Variants in SLC35F1 observed in about 807,000 individuals in gnomAD.
SLC35F1 encodes the protein chromosome 6 open reading frame 169.
In SLC35F1, 14 loss-of-function variants were observed where a neutral mutation model predicts 48.7. The observed-to-expected ratio is 0.29, with a 90% confidence interval of 0.19 to 0.45. The LOEUF (loss-of-function observed/expected upper bound fraction) is 0.45, where lower values mean the gene tolerates loss of function less well. SLC35F1 is among the 20% of genes least tolerant of loss of function. The probability of loss-of-function intolerance (pLI) is 1.00; values close to 1 mark genes in which losing one functional copy is unlikely to be tolerated. For synonymous variants in SLC35F1, 190 were observed against 202.2 expected (o/e 0.94, Z 0.51); for missense variants, 404 against 500.0 (o/e 0.81, Z 1.83).
chr6:118,079,564 C>A (rs1477899622), intron 1 of SLC35F1, among the ~76,000 whole-genome samples: 1 of 152,096 alleles, frequency 6.6e-6, no homozygotes, highest in African/African-American at 2.4e-5. Flanking sequence ...TATCTATCAA[C>A]TTTTTACACC....
intron 2 of SLC35F1, among the ~76,000 whole-genome samples, chr6:118,157,787 C>T (rs556394484): frequency 1.0e-3 from 153 of 152,252 alleles, no homozygotes; most frequent in Non-Finnish European, 1.7e-3. Context: ...TTAGATGGTG[C>T]CCACCCAGAT....
chr6:118,157,009 T>G (rs1259253260), intron 2 of SLC35F1, among the ~76,000 whole-genome samples: 1 of 152,192 alleles, frequency 6.6e-6, no homozygotes, highest in African/African-American at 2.4e-5. Context: ...ATAATTACAG[T>G]ACCATCTATT....
chr6:118,202,311 A>G (rs915928152), intron 2 of SLC35F1, among the ~76,000 whole-genome samples: 3 of 152,068 alleles, frequency 2.0e-5, no homozygotes, highest in Non-Finnish European at 4.4e-5. Context: ...TCTGGGCAAC[A>G]TAGAGAGCTT....
chr6:118,296,902 A>C (rs1776193437), intron 7 of SLC35F1, among the ~76,000 whole-genome samples: 2 of 152,200 alleles, frequency 1.3e-5, no homozygotes, highest in Admixed American at 1.3e-4. Context: ...TAATTTTGTC[A>C]GCAGACCTGT....
intron 2 of SLC35F1, among the ~76,000 whole-genome samples, chr6:118,178,491 C>A (rs1174492217): frequency 6.6e-6 from 1 of 152,044 alleles, no homozygotes; most frequent in African/African-American, 2.4e-5. Flanking sequence ...TTTTATCTTT[C>A]TAATGATGCT....
chr6:118,027,170 T>C (rs1582626456), intron 1 of SLC35F1, among the ~76,000 whole-genome samples: 1 of 152,174 alleles, frequency 6.6e-6, no homozygotes, highest in East Asian at 1.9e-4. Context: ...TATTCCATTT[T>C]ATTTGCTTAT....
At chr6:117,912,610 G>A (rs529119682) in intron 1 of SLC35F1, among the ~76,000 whole-genome samples, 2 of 152,306 alleles carry the variant, frequency 1.3e-5, no homozygotes, top group African/African-American at 4.8e-5. Flanking sequence ...TAGTAATGAG[G>A]TTGATTAATA....
At chr6:118,277,049 C>T (rs1027860391) in intron 5 of SLC35F1, among the ~76,000 whole-genome samples, 1 of 152,136 alleles carries the variant, frequency 6.6e-6, no homozygotes, top group African/African-American at 2.4e-5. Flanking sequence ...AGGGTTGGGA[C>T]CAGGAAACAG....
At chr6:118,033,701 A>G (rs1378674433) in intron 1 of SLC35F1, among the ~76,000 whole-genome samples, 1 of 151,818 alleles carries the variant, frequency 6.6e-6, no homozygotes, top group African/African-American at 2.4e-5. Flanking sequence ...GAAGCATGGC[A>G]CTTGGTATGG....
At chr6:118,138,790 C>A (rs1357074604) in intron 1 of SLC35F1, among the ~76,000 whole-genome samples, 1 of 152,018 alleles carries the variant, frequency 6.6e-6, no homozygotes, top group Non-Finnish European at 1.5e-5. Flanking sequence ...CATAAACAAC[C>A]TGGTCTTCAG....
At chr6:118,105,871 T>G (rs904594718) in intron 1 of SLC35F1, among the ~76,000 whole-genome samples, 3 of 152,172 alleles carry the variant, frequency 2.0e-5, no homozygotes, top group African/African-American at 7.2e-5. Context: ...TACATCAAAG[T>G]AGATAGTATG....
At chr6:117,990,565 G>T (rs1582603728) in intron 1 of SLC35F1, among the ~76,000 whole-genome samples, 2 of 152,274 alleles carry the variant, frequency 1.3e-5, no homozygotes. Flanking sequence ...CTCCTTGCTT[G>T]CATTTGCATT....
chr6:118,009,342 T>C (rs1777216051), intron 1 of SLC35F1, among the ~76,000 whole-genome samples: 1 of 152,180 alleles, frequency 6.6e-6, no homozygotes, highest in South Asian at 2.1e-4. Context: ...TAAATGGCAG[T>C]TCACTGTGGA....
chr6:118,167,373 T>C (rs1262499122), intron 2 of SLC35F1, among the ~76,000 whole-genome samples: 1 of 152,172 alleles, frequency 6.6e-6, no homozygotes, highest in Non-Finnish European at 1.5e-5. Flanking sequence ...GCAAACATCA[T>C]ACAGTGTACT....
intron 1 of SLC35F1, among the ~76,000 whole-genome samples, chr6:118,066,289 A>G (rs781211157): frequency 1.3e-5 from 2 of 152,200 alleles, no homozygotes; most frequent in Non-Finnish European, 2.9e-5. Context: ...CTATTATGTG[A>G]TGTCAATAAA....
chr6:118,121,897 C>G (rs1288118817), intron 1 of SLC35F1, among the ~76,000 whole-genome samples: 1 of 152,096 alleles, frequency 6.6e-6, no homozygotes, highest in Non-Finnish European at 1.5e-5. Context: ...TTGGGGATTT[C>G]AGAATGAACT....
intron 1 of SLC35F1, among the ~76,000 whole-genome samples, chr6:118,096,533 C>T (rs1016063428): frequency 1.3e-5 from 2 of 152,164 alleles, no homozygotes; most frequent in African/African-American, 4.8e-5. Flanking sequence ...CTGAGCAGTT[C>T]CTGGTCATCC....
rs368078493 is a variant in SLC35F1, at chr6:118,181,338, TG to T, written c.349+26721del. On this transcript the variant is annotated intron_variant, in intron 2 of 7. Coordinates refer to ENST00000360388, the MANE Select transcript of SLC35F1 (RefSeq NM_001029858.4). ...AGTATTCAAATTAGGAAGTGGTGGTTGGGATTAAAATGTTCCAAGGTCCTTG... is the reference window on the plus strand; with the variant it reads ...AGTATTCAAATTAGGAAGTGGTGGTTGGATTAAAATGTTCCAAGGTCCTTG... Among the ~76,000 whole-genome samples the T allele has an allele frequency of 2.6e-4, 39 of 152,262 alleles. No homozygotes were observed. In the East Asian group the frequency reaches 7.0e-3, roughly 27 times the overall value.
intron 2 of SLC35F1, among the ~76,000 whole-genome samples, chr6:118,163,453 C>G (rs1359827385): frequency 6.6e-6 from 1 of 150,530 alleles, no homozygotes; most frequent in African/African-American, 2.5e-5. Flanking sequence ...CACACACACT[C>G]TATACATCAG....
Sources: allele counts gnomAD v4.1 joint callset (sites outside exome capture counted in the v4.1 genomes callset), GRCh38; gene constraint gnomAD v4.1.1; transcripts MANE v1.5; gene names NCBI Gene and HGNC (gene_info 2026-07-23, HGNC 2026-07-21).